Variants in GPC3 observed in about 807,000 individuals in gnomAD.
GPC3 encodes the protein glypican-3.
GPC3 carries 3 observed loss-of-function variants against 34.4 expected under a neutral mutation model. That is an observed-to-expected ratio of 0.09 (90% CI 0.04 to 0.23). GPC3 has a LOEUF of 0.23. Ranked by LOEUF, GPC3 falls within the 10% of genes least tolerant of loss-of-function variation. The pLI is 1.00. For missense variants in GPC3, 351 were observed against 445.6 expected (o/e 0.79, Z 1.91); for synonymous variants, 177 against 174.0 (o/e 1.02, Z -0.13).
intron 7 of GPC3, among the ~76,000 whole-genome samples, chrX:133,591,487 G>A (rs2069847397): frequency 9.0e-6 from 1 of 111,716 alleles, no homozygotes; most frequent in African/African-American, 3.3e-5. Context: ...AGGAACTTCA[G>A]GCTGGTAGGA....
intron 1 of GPC3, among the ~76,000 whole-genome samples, chrX:133,966,944 C>G (rs1602568247): frequency 8.9e-6 from 1 of 111,914 alleles, no homozygotes; most frequent in East Asian, 2.8e-4. Flanking sequence ...ACTAATTCAC[C>G]CTCCTTCTGC....
intron 3 of GPC3, among the ~76,000 whole-genome samples, chrX:133,719,441 G>C (rs1488802643): frequency 3.6e-5 from 4 of 111,437 alleles, no homozygotes; most frequent in Non-Finnish European, 7.5e-5. Flanking sequence ...GCAGTGCTTA[G>C]AAATTTATGG....
At chrX:133,978,845 G>A (rs1244423248) in intron 1 of GPC3, among the ~76,000 whole-genome samples, 1 of 111,852 alleles carries the variant, frequency 8.9e-6, no homozygotes, top group East Asian at 2.8e-4. Flanking sequence ...TAGTAGGGAA[G>A]ATATCATTAG....
chrX:133,640,420 T>C (rs375013963), intron 6 of GPC3, among the ~76,000 whole-genome samples: 2 of 111,954 alleles, frequency 1.8e-5, no homozygotes, highest in East Asian at 5.6e-4. Flanking sequence ...ATGCAATTAT[T>C]TGTGGAGGAA....
At chrX:133,561,171 C>T (rs2069537209) in intron 7 of GPC3, among the ~76,000 whole-genome samples, 1 of 112,446 alleles carries the variant, frequency 8.9e-6, no homozygotes, top group African/African-American at 3.2e-5. Context: ...CACATTGGTA[C>T]TGTAGTGATG....
chrX:133,755,874 C>T (rs1194235516), intron 2 of GPC3, among the ~76,000 whole-genome samples: 1 of 112,192 alleles, frequency 8.9e-6, no homozygotes, highest in Non-Finnish European at 1.9e-5. Context: ...TAGCCCAATA[C>T]AGAGGACCAG....
intron 2 of GPC3, among the ~76,000 whole-genome samples, chrX:133,822,728 T>C (rs2075725402): frequency 9.0e-6 from 1 of 111,322 alleles, no homozygotes; most frequent in Non-Finnish European, 1.9e-5. Context: ...TTTATATGTG[T>C]TTAAAAGATG....
At chrX:133,736,119 A>G (rs2071509767) in intron 3 of GPC3, among the ~76,000 whole-genome samples, 2 of 112,081 alleles carry the variant, frequency 1.8e-5, no homozygotes, top group African/African-American at 6.5e-5. Flanking sequence ...CAATAAGCAC[A>G]TGAAAATCAC....
intron 1 of GPC3, among the ~76,000 whole-genome samples, chrX:133,956,580 G>A: frequency 8.9e-6 from 1 of 112,244 alleles, no homozygotes; most frequent in Non-Finnish European, 1.9e-5. Flanking sequence ...TTGATAAACT[G>A]ATGCCTAAGT....
intron 2 of GPC3, among the ~76,000 whole-genome samples, chrX:133,852,558 G>A (rs1241397042): frequency 8.9e-6 from 1 of 111,735 alleles, no homozygotes; most frequent in Non-Finnish European, 1.9e-5. Flanking sequence ...CTAATGAGCT[G>A]CCAATTGCTT....
At chrX:133,820,337 T>C (rs1264161691) in intron 2 of GPC3, among the ~76,000 whole-genome samples, 1 of 112,365 alleles carries the variant, frequency 8.9e-6, no homozygotes, top group Non-Finnish European at 1.9e-5. Flanking sequence ...CATTTTTTCT[T>C]GCAAATTAGT....
At chrX:133,749,322 T>C (rs756572155) in intron 3 of GPC3, among the ~76,000 whole-genome samples, 2 of 111,122 alleles carry the variant, frequency 1.8e-5, no homozygotes, top group Non-Finnish European at 3.8e-5. Context: ...CCTTTGGTAT[T>C]AGAATCTCTG....
intron 2 of GPC3, among the ~76,000 whole-genome samples, chrX:133,931,814 T>C (rs1338291295): frequency 2.7e-5 from 3 of 111,775 alleles, no homozygotes; most frequent in African/African-American, 9.8e-5. Flanking sequence ...ATTGGCTTCA[T>C]AGCAGAGCCA....
At chrX:133,914,944 A>AATATAT (rs35086661) in intron 2 of GPC3, among the ~76,000 whole-genome samples, 1,746 of 49,842 alleles carry the variant, frequency 0.035, 62 homozygotes, top group African/African-American at 0.071. Flanking sequence ...TCAAACTGGA[A>AATATAT]ATATATATAT....
chrX:133,538,834 A>G (rs1569376513), intron 7 of GPC3, among the ~76,000 whole-genome samples: 1 of 103,827 alleles, frequency 9.6e-6, no homozygotes, highest in African/African-American at 3.5e-5. Context: ...TCCAGAAAAA[A>G]AAAATACAAA....
chrX:133,576,585 T>C (rs2069684678), intron 7 of GPC3, among the ~76,000 whole-genome samples: 1 of 111,195 alleles, frequency 9.0e-6, no homozygotes, highest in Admixed American at 9.7e-5. Flanking sequence ...AGTTATTTAA[T>C]TTAACTCTCT....
chrX:133,843,791 C>A (rs186518960), intron 2 of GPC3, among the ~76,000 whole-genome samples: 6 of 112,102 alleles, frequency 5.4e-5, no homozygotes, highest in African/African-American at 1.3e-4. Flanking sequence ...ATTTAAAAAT[C>A]TGGAAAGTTT....
At chrX:133,798,646 C>T (rs753702790) in intron 2 of GPC3, among the ~76,000 whole-genome samples, 10 of 112,506 alleles carry the variant, frequency 8.9e-5, no homozygotes, top group Non-Finnish European at 1.5e-4. Context: ...AATGTTGTTG[C>T]TGCTGTTGCT....
At chrX:133,750,723 TC>T (rs1263061359) in intron 3 of GPC3, among the ~76,000 whole-genome samples, 1 of 111,874 alleles carries the variant, frequency 8.9e-6, no homozygotes, top group Non-Finnish European at 1.9e-5. Flanking sequence ...TAGTGCCTGA[TC>T]AAAACAGTGC....
Sources: allele counts gnomAD v4.1 joint callset (sites outside exome capture counted in the v4.1 genomes callset), GRCh38; gene constraint gnomAD v4.1.1; transcripts MANE v1.5; gene names NCBI Gene and HGNC (gene_info 2026-07-23, HGNC 2026-07-21).